GLIS3: variants seen among roughly 807,000 people sequenced by gnomAD.
GLIS3 encodes zinc finger protein GLIS3.
Under a neutral mutation model 78.6 loss-of-function variants are expected in GLIS3, and 53 were observed. The observed-to-expected ratio is 0.67, with a 90% CI of 0.54 to 0.85. The LOEUF is 0.85. Ranked by LOEUF, GLIS3 falls within the 40% of genes least tolerant of loss-of-function variation. GLIS3 has a pLI of 0.00. For synonymous variants in GLIS3, 684 were observed against 509.9 expected, an observed-to-expected ratio of 1.34 and a Z score of -4.60; for missense variants, 1,703 against 1,231.1, an observed-to-expected ratio of 1.38 and a Z score of -5.74.
At chr9:4,485,401 G>A in the GLIS3 span, among the ~76,000 whole-genome samples, 3 of 152,078 alleles carry the variant, frequency 2.0e-5, no homozygotes, top group Non-Finnish European at 4.4e-5. Context: ...AACCAGTCCT[G>A]TAGCCCCACC....
rs989808967 is a variant in GLIS3 at position 4,160,138 on chromosome 9, G to C, written c.389-34197C>G. ...CTTTCCACTCCACAAAATATTTTCA[G>C]TCCTTCCGAAATTGGTCTATTTTGC... is the stretch of plus-strand genomic sequence containing the variant. On this transcript the variant is annotated intron_variant, in intron 2 of 10. Coordinates refer to ENST00000381971, the MANE Select transcript of GLIS3 (RefSeq NM_001042413.2). Among the ~76,000 whole-genome samples the C allele has an allele frequency of 2.0e-5, 3 of 152,206 alleles. 1 individual carries two copies. In the South Asian group the frequency reaches 6.2e-4, roughly 31 times the overall value.
chr9:3,879,715 T>A, intron 7 of GLIS3, 120 bp from the exon 8 acceptor site: 1 of 1,056,976 alleles, frequency 9.5e-7, no homozygotes, highest in Non-Finnish European at 1.4e-6. Flanking sequence ...TCAGTGGTTT[T>A]CAGGGAACAG....
chr9:3,863,732 G>A (rs1251881855), intron 8 of GLIS3, among the ~76,000 whole-genome samples: 1 of 152,194 alleles, frequency 6.6e-6, no homozygotes, highest in Non-Finnish European at 1.5e-5. Flanking sequence ...AAACAGAAAG[G>A]ACAGAGTGTT....
chr9:4,362,103 C>T, the GLIS3 span, among the ~76,000 whole-genome samples: 1 of 152,170 alleles, frequency 6.6e-6, no homozygotes, highest in Non-Finnish European at 1.5e-5. Flanking sequence ...ACCAGCTCCC[C>T]GCAAGAGCCA....
intron 4 of GLIS3, among the ~76,000 whole-genome samples, chr9:4,050,676 C>T (rs1402898163): frequency 3.3e-5 from 5 of 152,210 alleles, no homozygotes; most frequent in South Asian, 2.1e-4. Flanking sequence ...GTACAGAACA[C>T]GCTATGTCAT....
chr9:4,010,133 G>A (rs986450501), intron 4 of GLIS3, among the ~76,000 whole-genome samples: 1 of 152,110 alleles, frequency 6.6e-6, no homozygotes, highest in African/African-American at 2.4e-5. Context: ...CCCGGGGTGG[G>A]GTGAGGGCAG....
intron 9 of GLIS3, chr9:3,855,708 T>A (rs890443036): frequency 1.3e-5 from 5 of 391,552 alleles, no homozygotes; most frequent in African/African-American, 2.1e-5. Flanking sequence ...TCTTTCTCCA[T>A]GGGCTGTCTA....
the GLIS3 span, among the ~76,000 whole-genome samples, chr9:4,398,402 C>A: frequency 2.0e-5 from 3 of 151,976 alleles, no homozygotes; most frequent in South Asian, 6.2e-4. Flanking sequence ...ACAGCATTCC[C>A]AGGTGATTCA....
the GLIS3 span, among the ~76,000 whole-genome samples, chr9:4,471,282 G>C: frequency 7.1e-3 from 1,074 of 152,262 alleles, 16 homozygotes; most frequent in African/African-American, 0.024. Flanking sequence ...AACCAAAAAA[G>C]AGCCCGCATT....
At chr9:4,334,977 C>T (rs1315281985) in intron 2 of GLIS3, among the ~76,000 whole-genome samples, 1 of 129,440 alleles carries the variant, frequency 7.7e-6, no homozygotes, top group East Asian at 2.3e-4. Flanking sequence ...GGTGTGATCT[C>T]GGCTCACCGC....
intron 8 of GLIS3, among the ~76,000 whole-genome samples, chr9:3,862,857 T>C (rs1820310994): frequency 6.6e-6 from 1 of 152,152 alleles, no homozygotes; most frequent in Non-Finnish European, 1.5e-5. Context: ...TATTATTGAT[T>C]TGCTGCCAGG....
At chr9:4,262,703 G>T (rs1825639768) in intron 2 of GLIS3, among the ~76,000 whole-genome samples, 1 of 152,052 alleles carries the variant, frequency 6.6e-6, no homozygotes. Context: ...TGGGCACTAT[G>T]CAGCTTTTCT....
chr9:4,114,346 G>A (rs1348438438), intron 4 of GLIS3, among the ~76,000 whole-genome samples: 1 of 152,158 alleles, frequency 6.6e-6, no homozygotes, highest in African/African-American at 2.4e-5. Flanking sequence ...TGTTAGGGAT[G>A]ATTAGTGTAC....
chr9:4,393,834 T>A, the GLIS3 span, among the ~76,000 whole-genome samples: 6 of 152,196 alleles, frequency 3.9e-5, no homozygotes, highest in African/African-American at 1.4e-4. Context: ...ATCTTTTTCT[T>A]TTACGTTGTT....
At chr9:3,997,495 T>A (rs1454745502) in intron 4 of GLIS3, among the ~76,000 whole-genome samples, 5 of 152,062 alleles carry the variant, frequency 3.3e-5, no homozygotes, top group African/African-American at 1.2e-4. Context: ...TTTTATGCGA[T>A]CCTCACTCAT....
chr9:4,444,330 T>G, the GLIS3 span, among the ~76,000 whole-genome samples: 1 of 152,214 alleles, frequency 6.6e-6, no homozygotes, highest in Non-Finnish European at 1.5e-5. Flanking sequence ...CCTTCTGTCC[T>G]CCCCATCAGA....
intron 2 of GLIS3, among the ~76,000 whole-genome samples, chr9:4,327,737 A>T (rs922815173): frequency 6.6e-6 from 1 of 152,208 alleles, no homozygotes; most frequent in Admixed American, 6.5e-5. Flanking sequence ...GGAATTTTGC[A>T]CAAGCAACAG....
intron 2 of GLIS3, among the ~76,000 whole-genome samples, chr9:4,152,607 G>A (rs1039357283): frequency 3.9e-5 from 6 of 152,038 alleles, no homozygotes; most frequent in Non-Finnish European, 8.8e-5. Context: ...CTGAGTAAAC[G>A]TGGTGTTCAC....
intron 4 of GLIS3, among the ~76,000 whole-genome samples, chr9:3,940,937 G>A (rs1483606689): frequency 2.0e-5 from 3 of 152,160 alleles, no homozygotes; most frequent in Non-Finnish European, 4.4e-5. Flanking sequence ...CACCCCTGAG[G>A]AGTGGTTCTC....
Sources: gnomAD v4.1 joint callset for allele counts (sites outside exome capture counted in the v4.1 genomes callset) on GRCh38, gnomAD v4.1.1 for gene constraint, MANE v1.5 for transcripts, NCBI Gene and HGNC (gene_info 2026-07-23, HGNC 2026-07-21) for gene names.